Variants in TOMM20L observed in about 807,000 individuals in gnomAD.
TOMM20L encodes translocase of outer mitochondrial membrane 20 like, also known as TOMM20-like protein 1.
TOMM20L carries 19 observed loss-of-function variants against 20.4 expected under a neutral mutation model. The observed-to-expected ratio is 0.93, with a 90% CI of 0.65 to 1.36. The LOEUF (loss-of-function observed/expected upper bound fraction) is 1.36, where lower values mean the gene tolerates loss of function less well. Ranked by LOEUF, TOMM20L falls within the 40% of genes most tolerant of loss-of-function variation. The pLI is 0.00. For missense variants in TOMM20L, 218 were observed against 203.7 expected (o/e 1.07, Z -0.43); for synonymous variants, 75 against 79.6 (o/e 0.94, Z 0.30).
At chr14:58,404,132 T>A (rs1189544073) in intron 3 of TOMM20L, among the ~76,000 whole-genome samples, 5 of 7,542 alleles carry the variant, frequency 6.6e-4, no homozygotes, top group African/African-American at 1.2e-3. Context: ...TTTTTTTTTT[T>A]TTTTTTTTTT....
intron 4 of TOMM20L, among the ~76,000 whole-genome samples, chr14:58,407,825 T>C (rs940730202): frequency 3.3e-5 from 5 of 152,222 alleles, no homozygotes; most frequent in African/African-American, 1.2e-4. Context: ...TGAAATCCAT[T>C]CATAAGCCAG....
At chr14:58,406,355 A>G (rs1480025071) in intron 3 of TOMM20L, among the ~76,000 whole-genome samples, 2 of 152,208 alleles carry the variant, frequency 1.3e-5, no homozygotes, top group African/African-American at 4.8e-5. Flanking sequence ...TTCAAGCTTA[A>G]TACAAATCTT....
At chr14:58,409,214 A>G (rs1486458646), downstream of TOMM20L, 1 of 1,593,988 alleles carries the variant, frequency 6.3e-7, no homozygotes, top group Non-Finnish European at 8.5e-7. Context: ...AAAAATATGA[A>G]TTTTTTAAAA....
chr14:58,400,880 A>AAAAC (rs999462939), intron 2 of TOMM20L, among the ~76,000 whole-genome samples: 3 of 152,180 alleles, frequency 2.0e-5, no homozygotes, highest in African/African-American at 7.2e-5. Context: ...TCTGTCTCAA[A>AAAAC]AAACAAACAA....
intron 3 of TOMM20L, among the ~76,000 whole-genome samples, chr14:58,405,080 G>C (rs375654032): frequency 6.6e-6 from 1 of 151,130 alleles, no homozygotes; most frequent in South Asian, 2.1e-4. Flanking sequence ...GCGATTCTCC[G>C]GCCTCAGCCT....
Position 58,406,395 on chromosome 14 carries a change from T to C in TOMM20L, c.263-931T>C, listed in dbSNP as rs758673877. 4.6e-5 allele frequency among the ~76,000 whole-genome samples: 7 copies of C among 152,330 alleles called. No individual in the cohort carries two copies. In the Middle Eastern group the frequency reaches 0.01, roughly 222 times the overall value. On this transcript the variant is annotated intron_variant, in intron 3 of 4. Coordinates refer to ENST00000360945, the MANE Select transcript of TOMM20L (RefSeq NM_207377.3). ...AAGCATTTTTTTCTGTCACGCACTA[T>C]TCTCTTCCTATAACCATGTATTTCA... is the stretch of plus-strand genomic sequence containing the variant.
Position 58,402,769 on chromosome 14 carries a change from T to G in TOMM20L, c.262+8T>G. On this transcript the variant is annotated splice_region_variant and intron_variant, in intron 3 of 4. Coordinates refer to ENST00000360945, the MANE Select transcript of TOMM20L (RefSeq NM_207377.3). ...AACTTTGGTTATCTAGAGGTAAGAA[T>G]GTAAATGTTCTTTTGTGAGTTATGA... 1 of 1,599,120 alleles carries G rather than the reference T, an allele frequency of 6.3e-7. No individual in the cohort carries two copies. The highest frequency in any genetic ancestry group is 1.1e-5 in the South Asian group (1 of 90,470).
rs371296011 is a variant in TOMM20L, at chr14:58,395,993, C to T, written c.36C>T (p.Ala12=). 114 of 1,454,404 alleles carry T rather than the reference C, an allele frequency of 7.8e-5. No individual in the cohort carries two copies. Among genetic ancestry groups the T allele is most frequent in the Non-Finnish European group, 9.9e-5 (108 of 1,096,432 alleles). The allele number at this position is 1,454,404 out of a possible 1,614,324, so 90.1% of individuals were successfully genotyped here. Residue 12 remains alanine (A), a synonymous_variant, in exon 1 of 5, where the codon GCC becomes GCT. Transcript: ENST00000360945. ...TCCGCTCCCTCCTCCGCCTCTTGGCCGCCGCGGCGGCCTGTGGCGCCTTCG... is the reference window on the plus strand; with the variant it reads ...TCCGCTCCCTCCTCCGCCTCTTGGCTGCCGCGGCGGCCTGTGGCGCCTTCG... ...PSVRSLLRLL[A]AAAACGAFAF...
intron 3 of TOMM20L, among the ~76,000 whole-genome samples, chr14:58,406,984 T>TATCA (rs1427265025): frequency 6.6e-6 from 1 of 152,206 alleles, no homozygotes; most frequent in Non-Finnish European, 1.5e-5. Flanking sequence ...AAAGATAACC[T>TATCA]ATCAGATATT....
intron 1 of TOMM20L, 74 bp from the exon 2 acceptor site, chr14:58,396,224 C>T (rs1471198420): frequency 1.3e-6 from 2 of 1,587,028 alleles, no homozygotes; most frequent in East Asian, 4.7e-5. Context: ...GGCGCCCGGG[C>T]AGGCAGGACC....
chr14:58,413,016 T>G (rs1231852599), downstream of TOMM20L, among the ~76,000 whole-genome samples: 1 of 152,180 alleles, frequency 6.6e-6, no homozygotes, highest in African/African-American at 2.4e-5. Context: ...TTATTTTAAA[T>G]TTTTTACTAT....
In TOMM20L at chr14:58,395,949, CG is replaced by C; in HGVS notation, c.-8del. 7.2e-7 allele frequency: 1 copy of C among 1,388,870 alleles called. No individual in the cohort carries two copies. The highest frequency in any genetic ancestry group is 9.4e-7 in the Non-Finnish European group (1 of 1,065,608). 86.0% of individuals were successfully genotyped at this position (1,388,870 alleles called of 1,614,324 possible). ...CCCAACGCTCGGCTTGTGGGACGCC[CG>C]CGGTCGGATGCCCTCCGTCCGCTCC... On this transcript the variant is annotated 5_prime_UTR_variant, in exon 1 of 5. Transcript: ENST00000360945.
chr14:58,406,498 A>G (rs1172902482), intron 3 of TOMM20L, among the ~76,000 whole-genome samples: 1 of 152,148 alleles, frequency 6.6e-6, no homozygotes, highest in Admixed American at 6.6e-5. Context: ...TTTATTTTCT[A>G]CCTAGTTATA....
chr14:58,405,067 C>T (rs2036040986), intron 3 of TOMM20L, among the ~76,000 whole-genome samples: 1 of 151,558 alleles, frequency 6.6e-6, no homozygotes, highest in South Asian at 2.1e-4. Context: ...CTTCCAGGTT[C>T]AAGCGATTCT....
chr14:58,410,833 C>T (rs754540647), downstream of TOMM20L: 16 of 1,592,586 alleles, frequency 1.0e-5, no homozygotes, highest in Non-Finnish European at 1.4e-5. Context: ...GTGAGTAACA[C>T]TTTTCATACC....
At position 58,407,208 on chromosome 14, in the gene TOMM20L, A is replaced by G. The variant is rs555422679; in HGVS notation, c.263-118A>G. The G allele has an allele frequency of 7.7e-5, 70 of 912,422 alleles. No homozygotes were observed. The South Asian group carries it at 1.2e-3, about 15-fold the overall frequency. 56.5% of individuals were successfully genotyped at this position (912,422 alleles called of 1,614,324 possible). ...ACTCTACTCTTCACAAGACTTGTCT[A>G]AGTAGTCTTTAGTTGGATATGCTTT... On this transcript the variant is annotated intron_variant, in intron 3 of 4. Transcript: ENST00000360945.
the TOMM20L span, among the ~76,000 whole-genome samples, chr14:58,416,792 T>C: frequency 6.6e-6 from 1 of 152,150 alleles, no homozygotes; most frequent in Admixed American, 6.5e-5. Context: ...AGAAAAAGTT[T>C]TAGTACTAAA....
chr14:58,409,656 G>A (rs1332601716), downstream of TOMM20L, among the ~76,000 whole-genome samples: 2 of 152,086 alleles, frequency 1.3e-5, no homozygotes, highest in Non-Finnish European at 2.9e-5. Flanking sequence ...TCGGCTCACT[G>A]CAAGCTCCGC....
intron 3 of TOMM20L, among the ~76,000 whole-genome samples, chr14:58,405,597 C>T (rs913900410): frequency 2.0e-5 from 3 of 152,136 alleles, no homozygotes; most frequent in Admixed American, 6.5e-5. Context: ...CTTAGCCTTC[C>T]GGGTTCAAGC....
Sources: gnomAD v4.1 joint callset for allele counts (sites outside exome capture counted in the v4.1 genomes callset) on GRCh38, gnomAD v4.1.1 for gene constraint, MANE v1.5 for transcripts, NCBI Gene and HGNC (gene_info 2026-07-23, HGNC 2026-07-21) for gene names.